Variants in SWT1 observed in about 807,000 individuals in gnomAD.
SWT1 encodes SWT1 RNA endoribonuclease homolog.
Under a neutral mutation model 107.3 loss-of-function variants are expected in SWT1, and 33 were observed. The observed-to-expected ratio is 0.31, with a 90% CI of 0.23 to 0.41. SWT1 has a LOEUF of 0.41. Ranked by LOEUF, SWT1 falls within the 10% of genes least tolerant of loss-of-function variation. The probability of loss-of-function intolerance (pLI) is 1.00; values close to 1 mark genes in which losing one functional copy is unlikely to be tolerated. For synonymous variants in SWT1, 345 were observed against 348.3 expected, an observed-to-expected ratio of 0.99 and a Z score of 0.11; for missense variants, 898 against 1,028.9, an observed-to-expected ratio of 0.87 and a Z score of 1.74.
In SWT1 at chr1:185,181,425, C is replaced by T. The variant is rs1259324615; in HGVS notation, c.1027-521C>T. 2.6e-5 allele frequency among the ~76,000 whole-genome samples: 4 copies of T among 152,140 alleles called. No individual in the cohort carries two copies. In the East Asian group the frequency reaches 7.7e-4, roughly 29 times the overall value. On this transcript the variant is annotated intron_variant, in intron 6 of 18. Coordinates refer to ENST00000367500, the MANE Select transcript of SWT1 (RefSeq NM_017673.7). ...TTCATTTCTTTGTGTCACAATACAT[C>T]AGAGAAGTATTTCTGTGAAGTGAGA...
At chr1:185,249,078 C>T (rs1661820728) in intron 16 of SWT1, among the ~76,000 whole-genome samples, 1 of 151,992 alleles carries the variant, frequency 6.6e-6, no homozygotes, top group African/African-American at 2.4e-5. Context: ...GTCTGGATCT[C>T]CAGACACTAT....
intron 1 of SWT1, among the ~76,000 whole-genome samples, chr1:185,158,935 G>A (rs1653897700): frequency 6.6e-6 from 1 of 152,158 alleles, no homozygotes; most frequent in South Asian, 2.1e-4. Context: ...CACTTGATTA[G>A]GGGTGCAGGA....
At chr1:185,255,081 T>TG (rs1243024597) in intron 16 of SWT1, among the ~76,000 whole-genome samples, 8 of 152,170 alleles carry the variant, frequency 5.3e-5, no homozygotes, top group African/African-American at 1.9e-4. Flanking sequence ...TCCATGTAGT[T>TG]GAGGGGTTTT....
intron 11 of SWT1, 76 bp downstream of exon 11, chr1:185,202,875 T>C: frequency 2.5e-6 from 2 of 801,050 alleles, no homozygotes; most frequent in South Asian, 4.1e-5. Context: ...TTAGAATCGA[T>C]AGTAAATTTT....
At chr1:185,196,335 A>G (rs1457642600) in intron 10 of SWT1, among the ~76,000 whole-genome samples, 2 of 151,934 alleles carry the variant, frequency 1.3e-5, no homozygotes, top group Admixed American at 6.6e-5. Flanking sequence ...GTTCTGTTCC[A>G]TTGGTCTATA....
intron 14 of SWT1, among the ~76,000 whole-genome samples, chr1:185,217,954 G>A (rs1659347547): frequency 1.3e-5 from 2 of 152,120 alleles, no homozygotes; most frequent in South Asian, 4.1e-4. Flanking sequence ...ACAATAAATG[G>A]ACTGTGTTTG....
chr1:185,239,583 T>C (rs188223508), intron 16 of SWT1, among the ~76,000 whole-genome samples: 22 of 152,238 alleles, frequency 1.4e-4, no homozygotes, highest in Middle Eastern at 6.8e-3. Context: ...GCTTATTTGC[T>C]ATTCATTTAG....
chr1:185,275,124 A>G (rs1664150186), intron 17 of SWT1, among the ~76,000 whole-genome samples: 1 of 152,152 alleles, frequency 6.6e-6, no homozygotes, highest in Non-Finnish European at 1.5e-5. Context: ...TTCATATTTA[A>G]CAGGTTCAAA....
At chr1:185,279,467 A>G (rs1664477589) in intron 18 of SWT1, among the ~76,000 whole-genome samples, 1 of 152,086 alleles carries the variant, frequency 6.6e-6, no homozygotes, top group African/African-American at 2.4e-5. Flanking sequence ...TATGAAGTTA[A>G]TGAGTAAACC....
intron 16 of SWT1, among the ~76,000 whole-genome samples, chr1:185,253,808 A>G (rs1313752163): frequency 6.6e-6 from 1 of 151,516 alleles, no homozygotes; most frequent in Non-Finnish European, 1.5e-5. Flanking sequence ...AGAACTTCCA[A>G]CACCATGTTG....
At chr1:185,175,182 G>A (rs1000448134) in intron 5 of SWT1, 69 bp downstream of exon 5, 14 of 1,023,604 alleles carry the variant, frequency 1.4e-5, no homozygotes, top group Non-Finnish European at 1.8e-5. Flanking sequence ...AGTTTTTTCT[G>A]TATTTCTATA....
chr1:185,269,785 G>A (rs1385242353), intron 16 of SWT1, among the ~76,000 whole-genome samples: 2 of 152,080 alleles, frequency 1.3e-5, no homozygotes, highest in African/African-American at 4.8e-5. Context: ...AACTTATAAT[G>A]GTTTGTTTTA....
intron 16 of SWT1, among the ~76,000 whole-genome samples, chr1:185,259,865 G>A (rs1662897343): frequency 6.6e-6 from 1 of 152,114 alleles, no homozygotes; most frequent in African/African-American, 2.4e-5. Flanking sequence ...ATTATTTATA[G>A]TACTTACATT....
chr1:185,171,924 T>TAGG lies in SWT1; in HGVS notation c.225-2447_225-2446insGGA, dbSNP rs370368818. 9.8e-5 allele frequency among the ~76,000 whole-genome samples: 15 copies of TAGG among 152,296 alleles called. 1 individual carries two copies. The highest frequency in any genetic ancestry group is 3.6e-4 in the African/African-American group (15 of 41,570). On this transcript the variant is annotated intron_variant, in intron 4 of 18. Coordinates refer to ENST00000367500, the MANE Select transcript of SWT1 (RefSeq NM_017673.7). ...AGACTCTGTCAAACCAACAAAGACA[T>TAGG]ACCTACATTCATGCATGCATATATG... is the stretch of plus-strand genomic sequence containing the variant.
chr1:185,165,156 G>C (rs906464068), intron 2 of SWT1, among the ~76,000 whole-genome samples: 1 of 152,128 alleles, frequency 6.6e-6, no homozygotes, highest in Admixed American at 6.5e-5. Flanking sequence ...CAGAACACAT[G>C]CAACATTTAT....
At chr1:185,229,087 G>C (rs1218439662) in intron 15 of SWT1, among the ~76,000 whole-genome samples, 3 of 152,074 alleles carry the variant, frequency 2.0e-5, no homozygotes, top group Admixed American at 1.3e-4. Flanking sequence ...ACAAGATCAG[G>C]CCTGCGTTTT....
At chr1:185,272,378 A>C (rs1269124546) in intron 17 of SWT1, among the ~76,000 whole-genome samples, 1 of 152,224 alleles carries the variant, frequency 6.6e-6, no homozygotes, top group Non-Finnish European at 1.5e-5. Flanking sequence ...TTTAATTTTT[A>C]AAACATTCTA....
intron 16 of SWT1, among the ~76,000 whole-genome samples, chr1:185,258,928 T>C (rs1185956830): frequency 6.6e-6 from 1 of 152,144 alleles, no homozygotes; most frequent in Non-Finnish European, 1.5e-5. Context: ...TTATATGGAA[T>C]TCCTATTCCT....
At chr1:185,250,029 T>G (rs1428689721) in intron 16 of SWT1, among the ~76,000 whole-genome samples, 1 of 152,248 alleles carries the variant, frequency 6.6e-6, no homozygotes, top group Non-Finnish European at 1.5e-5. Context: ...TGGGATTCAC[T>G]GTGTTAGACA....
Sources: gnomAD v4.1 joint callset for allele counts (sites outside exome capture counted in the v4.1 genomes callset) on GRCh38, gnomAD v4.1.1 for gene constraint, MANE v1.5 for transcripts, NCBI Gene and HGNC (gene_info 2026-07-23, HGNC 2026-07-21) for gene names.